Variants in SPTLC1 observed in about 807,000 individuals in gnomAD.
SPTLC1 encodes the protein serine palmitoyltransferase 1.
A neutral mutation model predicts 68.9 loss-of-function variants in SPTLC1; 55 were observed. The ratio of observed to expected loss-of-function variants is 0.80; its 90% confidence interval spans 0.64 to 1.00. The LOEUF is 1.00. SPTLC1 is among the 50% of genes least tolerant of loss of function. The probability of loss-of-function intolerance (pLI) is 0.00; values close to 1 mark genes in which losing one functional copy is unlikely to be tolerated. For missense variants in SPTLC1, 449 were observed against 573.1 expected, an observed-to-expected ratio of 0.78 and a Z score of 2.21; for synonymous variants, 197 against 201.6, an observed-to-expected ratio of 0.98 and a Z score of 0.19.
At chr9:92,032,972 GCCAAAT>G (rs932697987) in intron 14 of SPTLC1, among the ~76,000 whole-genome samples, 4 of 152,102 alleles carry the variant, frequency 2.6e-5, no homozygotes, top group African/African-American at 4.8e-5. Flanking sequence ...TGGCCTGAGA[GCCAAAT>G]CCACTGCCTA....
At chr9:92,039,054 G>C (rs945039993) in intron 12 of SPTLC1, among the ~76,000 whole-genome samples, 3 of 152,310 alleles carry the variant, frequency 2.0e-5, no homozygotes, top group Admixed American at 6.5e-5. Flanking sequence ...AGCTCAGGTG[G>C]GAGGATCGCT....
rs1195703005 is a variant in SPTLC1 at position 92,086,159 on chromosome 9, T to C, written c.261-5196A>G. On this transcript the variant is annotated intron_variant, in intron 3 of 14. Transcript: ENST00000262554. ...GTCTCTGCACGTGAGATGGGTTTCC[T>C]GAATGCAGCACACTGATGGGTCTTG... 8.5e-5 allele frequency among the ~76,000 whole-genome samples: 13 copies of C among 152,272 alleles called. No homozygotes were observed. In the East Asian group the frequency reaches 2.5e-3, roughly 29 times the overall value.
chr9:92,036,646 C>T lies in SPTLC1; in HGVS notation c.1254+1602G>A, dbSNP rs554929240. On this transcript the variant is annotated intron_variant, in intron 13 of 14. Transcript: ENST00000262554. ...ACAGCTCTCAGCTGTCCCGCTGGGG[C>T]AAGTCCATTGAAAAAAACAAATTCA... Among the ~76,000 whole-genome samples the T allele has an allele frequency of 1.1e-4, 17 of 152,276 alleles. No individual in the cohort carries two copies. In the South Asian group the frequency reaches 3.5e-3, roughly 32 times the overall value.
intron 3 of SPTLC1, among the ~76,000 whole-genome samples, chr9:92,086,746 T>A (rs1835151975): frequency 1.3e-5 from 2 of 152,078 alleles, no homozygotes; most frequent in African/African-American, 2.4e-5. Context: ...TCAAGGAGTA[T>A]CTTTGTGGTG....
intron 3 of SPTLC1, among the ~76,000 whole-genome samples, chr9:92,100,929 C>T (rs769286723): frequency 2.0e-5 from 3 of 151,824 alleles, no homozygotes; most frequent in Admixed American, 2.0e-4. Context: ...CCAACTGACA[C>T]CCTAAGACAC....
chr9:92,056,945 T>C (rs1833913367), intron 7 of SPTLC1, among the ~76,000 whole-genome samples: 3 of 152,250 alleles, frequency 2.0e-5, no homozygotes. Context: ...ACACAGGGCA[T>C]GCTACCTCTG....
intron 6 of SPTLC1, 150 bp downstream of exon 6, chr9:92,067,816 A>T (rs1175588837): frequency 2.3e-6 from 2 of 876,820 alleles, no homozygotes; most frequent in Non-Finnish European, 3.5e-6. Flanking sequence ...AGGTTTCACA[A>T]ATTTTGAAAC....
chr9:92,050,770 G>C (rs1833676751), intron 8 of SPTLC1, among the ~76,000 whole-genome samples: 1 of 148,620 alleles, frequency 6.7e-6, no homozygotes, highest in Non-Finnish European at 1.5e-5. Flanking sequence ...TCCTTTAGAT[G>C]GTCTAAAATG....
At chr9:92,051,330 T>C (rs1405130831) in intron 8 of SPTLC1, 4 of 877,472 alleles carry the variant, frequency 4.6e-6, no homozygotes, top group Non-Finnish European at 5.5e-6. Flanking sequence ...AAAAATCAAA[T>C]ATGTATTACA....
intron 1 of SPTLC1, among the ~76,000 whole-genome samples, chr9:92,113,590 T>A (rs1330551224): frequency 6.6e-6 from 1 of 152,188 alleles, no homozygotes; most frequent in African/African-American, 2.4e-5. Flanking sequence ...TAACAGAAAA[T>A]AATCCATTTC....
In SPTLC1 at chr9:92,090,390, C is replaced by T. The variant is rs1835312921; in HGVS notation, c.261-9427G>A. The stretch of plus-strand genomic sequence containing the variant: ...TTGGGACACCAAAGCAGGGGGATCA[C>T]TTGAGGTCAGGAGTCCGAGACCAGC... On this transcript the variant is annotated intron_variant, in intron 3 of 14. Transcript: ENST00000262554. Among the ~76,000 whole-genome samples the T allele has an allele frequency of 5.9e-5, 9 of 152,284 alleles. No individual in the cohort carries two copies. The South Asian group carries it at 1.9e-3, about 32-fold the overall frequency.
In SPTLC1 at chr9:92,032,513, C is replaced by G; in HGVS notation, c.1374G>C (p.Glu458Asp). 1.9e-6 allele frequency: 3 copies of G among 1,614,198 alleles called. No individual in the cohort carries two copies. The highest frequency in any genetic ancestry group is 2.5e-6 in the Non-Finnish European group (3 of 1,180,028). The change falls in exon 15 of 15, where the codon GAG becomes GAC. Residue 458 changes from glutamate to aspartate, a missense_variant. Glu to Asp is a conservative substitution (Grantham distance 45). Coordinates refer to ENST00000262554, the MANE Select transcript of SPTLC1 (RefSeq NM_006415.4). ...VTVEQTEEEL[E>D]RAASTIKEVA... ...CCTCCTTGATGGTGGACGCAGCTCT[C>G]TCCAGTTCTTCCTCTGTTTGTTCCA...
At chr9:92,073,343 C>A (rs766840705) in intron 5 of SPTLC1, among the ~76,000 whole-genome samples, 1 of 152,210 alleles carries the variant, frequency 6.6e-6, no homozygotes, top group Non-Finnish European at 1.5e-5. Context: ...TGACTGCTGG[C>A]GCCTTGAGCC....
chr9:92,071,374 T>C (rs923952087), intron 5 of SPTLC1, among the ~76,000 whole-genome samples: 3 of 152,160 alleles, frequency 2.0e-5, no homozygotes, highest in Non-Finnish European at 2.9e-5. Context: ...CACTCCAGCT[T>C]GGGCAACAAG....
intron 5 of SPTLC1, among the ~76,000 whole-genome samples, chr9:92,072,533 C>T (rs1236013293): frequency 6.6e-6 from 1 of 152,112 alleles, no homozygotes; most frequent in African/African-American, 2.4e-5. Context: ...TTGTCTCTTT[C>T]TTTCCCCTCA....
At chr9:92,115,270 C>A in intron 1 of SPTLC1, 44 bp downstream of exon 1, 1 of 1,603,078 alleles carries the variant, frequency 6.2e-7, no homozygotes, top group Non-Finnish European at 8.5e-7. Context: ...CCACCCTCCC[C>A]GGGCCCGGGT....
chr9:92,092,129 ATAATAAT>A (rs1835384151), intron 3 of SPTLC1, among the ~76,000 whole-genome samples: 1 of 152,246 alleles, frequency 6.6e-6, no homozygotes, highest in Non-Finnish European at 1.5e-5. Flanking sequence ...AACTATTTGA[ATAATAAT>A]TAAAGTGCTT....
chr9:92,091,347 C>T (rs910260321), intron 3 of SPTLC1, among the ~76,000 whole-genome samples: 7 of 152,106 alleles, frequency 4.6e-5, no homozygotes, highest in African/African-American at 1.7e-4. Context: ...TGAGGGATAG[C>T]AACATACACA....
chr9:92,082,462 T>C (rs1834921827), intron 3 of SPTLC1, among the ~76,000 whole-genome samples: 1 of 145,558 alleles, frequency 6.9e-6, no homozygotes, highest in East Asian at 2.1e-4. Flanking sequence ...AGTGTTCAAT[T>C]CCCACCTATG....
Sources: gnomAD v4.1 joint callset for allele counts (sites outside exome capture counted in the v4.1 genomes callset) on GRCh38, gnomAD v4.1.1 for gene constraint, MANE v1.5 for transcripts, NCBI Gene and HGNC (gene_info 2026-07-23, HGNC 2026-07-21) for gene names.